The following MBTPS2 variants were observed in gnomAD, a reference collection of about 807,000 sequenced individuals.
The protein encoded by MBTPS2 is membrane-bound transcription factor site-2 protease.
Under a neutral mutation model 35.4 loss-of-function variants are expected in MBTPS2, and 2 were observed. The ratio of observed to expected loss-of-function variants is 0.06; its 90% CI spans 0.02 to 0.18. MBTPS2 has a LOEUF of 0.18. MBTPS2 is among the 10% of genes least tolerant of loss of function. The pLI is 1.00. For synonymous variants in MBTPS2, 125 were observed against 140.4 expected, an observed-to-expected ratio of 0.89 and a Z score of 0.77; for missense variants, 244 against 386.5, an observed-to-expected ratio of 0.63 and a Z score of 3.09.
At position 21,845,402 on chromosome X, in the gene MBTPS2, G is replaced by C; in HGVS notation, c.438+18G>C. 1 of 1,177,284 alleles carries C rather than the reference G, an allele frequency of 8.5e-7. No individual in the cohort carries two copies. Among genetic ancestry groups the C allele is most frequent in the African/African-American group, 1.8e-5 (1 of 56,465 alleles). On this transcript the variant is annotated intron_variant, in intron 3 of 10. Transcript: ENST00000379484. ...AAGTTGTGGTAAGTATCGTCTTTTC[G>C]CTTTAAATAACTATCGAAATAGAGA...
chrX:21,843,333 CT>C lies in MBTPS2; in HGVS notation c.224+19del. On this transcript the variant is annotated intron_variant, in intron 2 of 10. Coordinates refer to ENST00000379484, the MANE Select transcript of MBTPS2 (RefSeq NM_015884.4). ...CTTTACCAATGGTATTCTTCATCTT[CT>C]TTTGTTTGGTTTAGGTTAATCATTA... is the stretch of plus-strand genomic sequence containing the variant. The C allele has an allele frequency of 8.3e-7, 1 of 1,205,488 alleles. No individual in the cohort carries two copies. Among genetic ancestry groups the C allele is most frequent in the Non-Finnish European group, 1.1e-6 (1 of 889,688 alleles).
chrX:21,856,255 T>G, intron 5 of MBTPS2: 2 of 414,462 alleles, frequency 4.8e-6, no homozygotes, highest in Non-Finnish European at 8.2e-6. Flanking sequence ...CACCTGCGCC[T>G]TCCGGCTCGT....
At chrX:21,879,246 A>G (rs2092956417) in intron 9 of MBTPS2, among the ~76,000 whole-genome samples, 1 of 111,609 alleles carries the variant, frequency 9.0e-6, no homozygotes, top group South Asian at 3.7e-4. Flanking sequence ...TTTACCCATT[A>G]AAGTTTACAG....
intron 3 of MBTPS2, among the ~76,000 whole-genome samples, 196 bp from the exon 4 acceptor site, chrX:21,851,313 G>C (rs1338512255): frequency 8.9e-6 from 1 of 112,043 alleles, no homozygotes; most frequent in Non-Finnish European, 1.9e-5. Flanking sequence ...AAACTGGCTA[G>C]TTCGAAAAAT....
chrX:21,881,027 A>G, intron 10 of MBTPS2, 55 bp downstream of exon 10: 1 of 866,404 alleles, frequency 1.2e-6, no homozygotes, highest in Non-Finnish European at 1.7e-6. Context: ...GATCTTGATC[A>G]ATTTTACCTT....
chrX:21,855,393 C>T (rs1416581737), intron 5 of MBTPS2, among the ~76,000 whole-genome samples: 1 of 110,531 alleles, frequency 9.0e-6, no homozygotes, highest in African/African-American at 3.3e-5. Context: ...TCTAAATAGG[C>T]AAATAATTAC....
At position 21,845,309 on chromosome X, in the gene MBTPS2, C is replaced by G; in HGVS notation, c.363C>G (p.Ser121=). 3.4e-6 allele frequency: 4 copies of G among 1,193,049 alleles called. No homozygotes were observed. Among genetic ancestry groups the G allele is most frequent in the Non-Finnish European group, 4.6e-6 (4 of 878,790 alleles). ...SSYSSSSSSS[S]SSSSSSSSSS... ...ATTCTTCCTCCTCTTCTTCCTCTTC[C>G]TCCTCTTCTTCCTCTTCCTCTTCTT... The change falls in exon 3 of 11, where the codon TCC becomes TCG. Residue 121 remains serine (S), a synonymous_variant. Transcript: ENST00000379484.
intron 3 of MBTPS2, among the ~76,000 whole-genome samples, chrX:21,847,743 A>G (rs2092910121): frequency 1.8e-5 from 2 of 112,303 alleles, no homozygotes; most frequent in Non-Finnish European, 3.8e-5. Flanking sequence ...TATGTATGAC[A>G]GTCTTAAGTA....
chrX:21,852,071 AAT>A (rs1375561822), intron 4 of MBTPS2, among the ~76,000 whole-genome samples: 2 of 112,204 alleles, frequency 1.8e-5, no homozygotes, highest in African/African-American at 6.5e-5. Flanking sequence ...GGGTTTAACA[AAT>A]ATCATAGTCT....
chrX:21,878,826 G>A, intron 9 of MBTPS2, 134 bp downstream of exon 9: 1 of 507,917 alleles, frequency 2.0e-6, no homozygotes, highest in Non-Finnish European at 3.4e-6. Context: ...TTGTTAACTT[G>A]TTCTTAAGCA....
At chrX:21,863,769 T>C (rs978443230) in intron 5 of MBTPS2, among the ~76,000 whole-genome samples, 1 of 111,650 alleles carries the variant, frequency 9.0e-6, no homozygotes, top group African/African-American at 3.3e-5. Flanking sequence ...ATCCCAAACA[T>C]CACCTAGCCC....
intron 7 of MBTPS2, chrX:21,869,912 T>C (rs1166888823): frequency 2.8e-6 from 1 of 354,299 alleles, no homozygotes; most frequent in Admixed American, 4.7e-5. Context: ...TATTTAACTT[T>C]TAGGACTCTA....
intron 5 of MBTPS2, among the ~76,000 whole-genome samples, chrX:21,862,519 A>C (rs2092932597): frequency 9.1e-6 from 1 of 110,343 alleles, no homozygotes; most frequent in African/African-American, 3.3e-5. Context: ...AGTTTAAAAA[A>C]TATAGGCCTG....
At chrX:21,857,223 A>G (rs750059290) in intron 5 of MBTPS2, 8 of 1,212,113 alleles carry the variant, frequency 6.6e-6, no homozygotes, top group South Asian at 5.3e-5. Flanking sequence ...CAAAAGGTCC[A>G]AAGGAGAACC....
intron 5 of MBTPS2, chrX:21,857,288 C>T (rs982621700): frequency 1.9e-5 from 23 of 1,210,229 alleles, no homozygotes; most frequent in Non-Finnish European, 2.5e-5. Context: ...TCCGGGATTA[C>T]GCCGCCATGA....
At chrX:21,868,662 A>C in intron 6 of MBTPS2, 77 bp downstream of exon 6, 1 of 695,102 alleles carries the variant, frequency 1.4e-6, no homozygotes, top group East Asian at 3.2e-5. Flanking sequence ...AGAAACTTTT[A>C]TTCAAGATCT....
chrX:21,856,835 G>A (rs2092923496), intron 5 of MBTPS2: 1 of 1,211,760 alleles, frequency 8.3e-7, no homozygotes, highest in Non-Finnish European at 1.1e-6. Context: ...AGCACTTCCA[G>A]ATGACCCTGG....
Position 21,843,333 on chromosome X carries a change from C to A in MBTPS2, c.224+15C>A. The A allele has an allele frequency of 8.3e-7, 1 of 1,205,488 alleles. No individual in the cohort carries two copies. Among genetic ancestry groups the A allele is most frequent in the Non-Finnish European group, 1.1e-6 (1 of 889,688 alleles). On this transcript the variant is annotated intron_variant, in intron 2 of 10. Coordinates refer to ENST00000379484, the MANE Select transcript of MBTPS2 (RefSeq NM_015884.4). ...CTTTACCAATGGTATTCTTCATCTT[C>A]TTTTGTTTGGTTTAGGTTAATCATT...
chrX:21,863,246 C>A (rs774751379), intron 5 of MBTPS2, among the ~76,000 whole-genome samples: 1 of 83,685 alleles, frequency 1.2e-5, no homozygotes, highest in African/African-American at 4.6e-5. Context: ...CCAGCCTGGG[C>A]GACAGTGAGA....
Sources: allele counts gnomAD v4.1 joint callset (sites outside exome capture counted in the v4.1 genomes callset), GRCh38; gene constraint gnomAD v4.1.1; transcripts MANE v1.5; gene names NCBI Gene and HGNC (gene_info 2026-07-23, HGNC 2026-07-21).